Variants in RNF220 observed in about 807,000 individuals in gnomAD.
RNF220 encodes the protein ring finger protein 220.
Under a neutral mutation model 67.1 loss-of-function variants are expected in RNF220, and 7 were observed. That is an observed-to-expected ratio of 0.10 (90% CI 0.06 to 0.20). RNF220 has a LOEUF of 0.20. Among genes scored for constraint, RNF220 ranks in the 10% least tolerant of loss-of-function variants. The pLI is 1.00. For missense variants in RNF220, 565 were observed against 740.3 expected (o/e 0.76, Z 2.75); for synonymous variants, 270 against 283.2 (o/e 0.95, Z 0.47).
At chr1:44,511,120 G>A (rs751986664) in intron 2 of RNF220, among the ~76,000 whole-genome samples, 1 of 152,156 alleles carries the variant, frequency 6.6e-6, no homozygotes, top group Non-Finnish European at 1.5e-5. Context: ...TCCATTTTTG[G>A]AGCCCTGAGG....
At chr1:44,573,430 G>A (rs928004084) in intron 2 of RNF220, among the ~76,000 whole-genome samples, 5 of 152,286 alleles carry the variant, frequency 3.3e-5, no homozygotes, top group African/African-American at 4.8e-5. Flanking sequence ...TGAGGACACC[G>A]GGCTAGAAAG....
At chr1:44,455,018 G>T (rs1195469101) in intron 2 of RNF220, among the ~76,000 whole-genome samples, 1 of 152,178 alleles carries the variant, frequency 6.6e-6, no homozygotes, top group Non-Finnish European at 1.5e-5. Flanking sequence ...ACAAGTTTTT[G>T]TGCAAACGTA....
chr1:44,498,481 T>G (rs912017739), intron 2 of RNF220, among the ~76,000 whole-genome samples: 3 of 152,152 alleles, frequency 2.0e-5, no homozygotes, highest in African/African-American at 7.2e-5. Flanking sequence ...CTAAGTAAAC[T>G]TTCAAAAATA....
At chr1:44,427,550 G>A (rs1649918324) in intron 2 of RNF220, among the ~76,000 whole-genome samples, 1 of 152,180 alleles carries the variant, frequency 6.6e-6, no homozygotes, top group South Asian at 2.1e-4. Flanking sequence ...GAACTTACTA[G>A]TTATGATCTA....
chr1:44,546,460 C>T (rs773300913), intron 2 of RNF220, among the ~76,000 whole-genome samples: 6 of 152,152 alleles, frequency 3.9e-5, no homozygotes, highest in South Asian at 4.1e-4. Context: ...TAATATTCCA[C>T]GTTAGAGCTC....
chr1:44,485,133 C>CA (rs1215574718), intron 2 of RNF220, among the ~76,000 whole-genome samples: 1 of 152,104 alleles, frequency 6.6e-6, no homozygotes, highest in Non-Finnish European at 1.5e-5. Flanking sequence ...GAGACTCCAT[C>CA]AAAAAACAAA....
chr1:44,467,315 G>A (rs1459345812), intron 2 of RNF220, among the ~76,000 whole-genome samples: 5 of 152,298 alleles, frequency 3.3e-5, no homozygotes, highest in African/African-American at 7.2e-5. Context: ...AGGTTCAAGC[G>A]ATTCTCCTGC....
rs529411011 is a variant in RNF220, at chr1:44,537,786, T to A, written c.626-76379T>A. Among the ~76,000 whole-genome samples the A allele has an allele frequency of 1.1e-4, 16 of 152,326 alleles. No homozygotes were observed. The South Asian group carries it at 3.3e-3, about 32-fold the overall frequency. On this transcript the variant is annotated intron_variant, in intron 2 of 14. Transcript: ENST00000361799. Reference sequence around the variant, plus strand: ...CTGAATGGTACGAAGCCCAGAAAAGTGCAGAATGTTCCCACTGTGTTTGTG... The same window carrying A: ...CTGAATGGTACGAAGCCCAGAAAAGAGCAGAATGTTCCCACTGTGTTTGTG...
intron 2 of RNF220, among the ~76,000 whole-genome samples, chr1:44,482,921 T>A (rs63074260): frequency 0.016 from 426 of 25,856 alleles, no homozygotes; most frequent in Non-Finnish European, 0.022. Flanking sequence ...ACACCCAGCC[T>A]TTTTTTTTTT....
intron 2 of RNF220, among the ~76,000 whole-genome samples, chr1:44,607,206 T>A (rs1353246784): frequency 6.6e-6 from 1 of 152,260 alleles, no homozygotes; most frequent in Admixed American, 6.5e-5. Context: ...CACTTGCTCT[T>A]GCCCCTTAGA....
chr1:44,645,556 G>A lies in RNF220; in HGVS notation c.1445+68G>A. On this transcript the variant is annotated intron_variant, in intron 12 of 14. Coordinates refer to ENST00000361799, the MANE Select transcript of RNF220 (RefSeq NM_018150.4). The surrounding 1 kb of genome is among the most constrained non-coding windows in gnomAD (Gnocchi z 5.0). ...TGGGAGGAGGGGCCCTTTGCTAGCA[G>A]GAAGGCCTGCTGCCAGGGCTTCTGG... 6.6e-7 allele frequency: 1 copy of A among 1,515,452 alleles called. No individual in the cohort carries two copies. The highest frequency in any genetic ancestry group is 2.3e-5 in the East Asian group (1 of 42,930). The allele number at this position is 1,515,452 out of a possible 1,614,324, so 93.9% of individuals were successfully genotyped here.
intron 2 of RNF220, among the ~76,000 whole-genome samples, chr1:44,485,404 A>C (rs1656198202): frequency 6.6e-6 from 1 of 152,230 alleles, no homozygotes; most frequent in Admixed American, 6.5e-5. Context: ...TTGTGTAAGA[A>C]TGAGAAAACA....
At chr1:44,504,127 C>T (rs1658197632) in intron 2 of RNF220, among the ~76,000 whole-genome samples, 1 of 152,130 alleles carries the variant, frequency 6.6e-6, no homozygotes, top group African/African-American at 2.4e-5. Context: ...GGATTACAGG[C>T]ATGAGCCACC....
At chr1:44,455,975 G>T (rs1201170411) in intron 2 of RNF220, among the ~76,000 whole-genome samples, 1 of 152,100 alleles carries the variant, frequency 6.6e-6, no homozygotes, top group Non-Finnish European at 1.5e-5. Flanking sequence ...GGGAGTAAGG[G>T]GTAAATTAAA....
chr1:44,562,969 A>C (rs1663698810), intron 2 of RNF220, among the ~76,000 whole-genome samples: 1 of 152,070 alleles, frequency 6.6e-6, no homozygotes, highest in Non-Finnish European at 1.5e-5. Context: ...GTCTTGGGGG[A>C]GCTGTGGACC....
At position 44,412,659 on chromosome 1, in the gene RNF220, G is replaced by C; in HGVS notation, c.562G>C (p.Ala188Pro). The stretch of plus-strand genomic sequence containing the variant: ...TGATGACACTGGGAAGAAGATTTTT[G>C]CTGTCTCTGGCCTCATTTCTGATCG... ...KVDDTGKKIF[A>P]VSGLISDREA... The change falls in exon 2 of 15, where the codon GCT becomes CCT. Residue 188 changes from alanine (A) to proline (P), a missense_variant. By Grantham distance (27) the Ala-to-Pro change is conservative (BLOSUM62 -1). Transcript: ENST00000361799. The surrounding 1 kb of genome is among the most constrained non-coding windows in gnomAD (Gnocchi z 5.3). 6.2e-7 allele frequency: 1 copy of C among 1,614,148 alleles called. No individual in the cohort carries two copies. Among genetic ancestry groups the C allele is most frequent in the South Asian group, 1.1e-5 (1 of 91,076 alleles).
chr1:44,437,395 A>T (rs1374450155), intron 2 of RNF220, among the ~76,000 whole-genome samples: 1 of 152,232 alleles, frequency 6.6e-6, no homozygotes, highest in African/African-American at 2.4e-5. Flanking sequence ...TGTTCCAACC[A>T]GCAGCTTTTA....
chr1:44,593,754 C>T (rs1416294736), intron 2 of RNF220, among the ~76,000 whole-genome samples: 1 of 151,474 alleles, frequency 6.6e-6, no homozygotes, highest in Non-Finnish European at 1.5e-5. Flanking sequence ...AAAATAATTG[C>T]ACTCTTAAAA....
chr1:44,633,932 G>C (rs971100814), intron 6 of RNF220, among the ~76,000 whole-genome samples: 2 of 152,218 alleles, frequency 1.3e-5, no homozygotes, highest in Non-Finnish European at 2.9e-5. Context: ...AAGAGTTCTC[G>C]ATCTGTGTCC....
Sources: gnomAD v4.1 joint callset for allele counts (sites outside exome capture counted in the v4.1 genomes callset) on GRCh38, gnomAD v4.1.1 for gene constraint, Gnocchi (gnomAD v3.1) non-coding constraint, MANE v1.5 for transcripts, NCBI Gene and HGNC (gene_info 2026-07-23, HGNC 2026-07-21) for gene names.